Variants in NELL1 observed in about 807,000 individuals in gnomAD.
NELL1 encodes neural EGFL like 1.
A neutral mutation model predicts 107.4 loss-of-function variants in NELL1; 76 were observed. The observed-to-expected ratio is 0.71, with a 90% CI of 0.59 to 0.86. The LOEUF is 0.86. Ranked by LOEUF, NELL1 falls within the 40% of genes least tolerant of loss-of-function variation. The pLI is 0.00. For synonymous variants in NELL1, 353 were observed against 341.2 expected, an observed-to-expected ratio of 1.03 and a Z score of -0.38; for missense variants, 1,024 against 1,005.5, an observed-to-expected ratio of 1.02 and a Z score of -0.25.
At chr11:20,707,940 A>G (rs1855011428) in intron 2 of NELL1, among the ~76,000 whole-genome samples, 1 of 152,208 alleles carries the variant, frequency 6.6e-6, no homozygotes, top group African/African-American at 2.4e-5. Context: ...CCCTGCCCCC[A>G]GAGCTGGAGT....
At chr11:21,206,832 A>G (rs1317173745) in intron 13 of NELL1, among the ~76,000 whole-genome samples, 1 of 152,218 alleles carries the variant, frequency 6.6e-6, no homozygotes, top group Non-Finnish European at 1.5e-5. Flanking sequence ...AAAGAAAAAG[A>G]TTAACCCAGC....
At chr11:21,031,089 C>A (rs917157846) in intron 12 of NELL1, among the ~76,000 whole-genome samples, 1 of 152,050 alleles carries the variant, frequency 6.6e-6, no homozygotes, top group African/African-American at 2.4e-5. Context: ...ATATAATATT[C>A]TTTCTTAATA....
intron 14 of NELL1, among the ~76,000 whole-genome samples, chr11:21,315,235 G>A (rs1026700327): frequency 2.0e-5 from 3 of 152,170 alleles, no homozygotes; most frequent in African/African-American, 7.2e-5. Flanking sequence ...AGGTGGAAAA[G>A]TCAGAAATAG....
intron 16 of NELL1, among the ~76,000 whole-genome samples, chr11:21,557,287 G>A (rs1208177581): frequency 1.3e-5 from 2 of 152,008 alleles, no homozygotes; most frequent in Non-Finnish European, 2.9e-5. Flanking sequence ...AGAAGTGAAA[G>A]CAAATCCTGG....
chr11:21,534,197 T>C (rs937345791), intron 15 of NELL1, among the ~76,000 whole-genome samples, 177 bp from the exon 16 acceptor site: 1 of 152,224 alleles, frequency 6.6e-6, no homozygotes, highest in South Asian at 2.1e-4. Flanking sequence ...AGAATGAAGC[T>C]TTCAATTCAT....
chr11:20,773,737 AT>A (rs1856686651), intron 2 of NELL1: 2 of 152,140 alleles, frequency 1.3e-5, no homozygotes, highest in African/African-American at 4.8e-5. Flanking sequence ...ACCTTAAGTG[AT>A]CTGCCTGCCT....
chr11:20,786,631 T>G (rs1399249306), intron 3 of NELL1, among the ~76,000 whole-genome samples: 1 of 151,918 alleles, frequency 6.6e-6, no homozygotes, highest in Admixed American at 6.6e-5. Flanking sequence ...TCTTCTTGTG[T>G]CCTCAGAAGA....
chr11:21,139,527 T>G (rs994288809), intron 13 of NELL1, among the ~76,000 whole-genome samples: 1 of 152,316 alleles, frequency 6.6e-6, no homozygotes, highest in East Asian at 1.9e-4. Flanking sequence ...CATTACATAC[T>G]TTACTCATTT....
At chr11:20,684,941 C>G (rs547361392) in intron 2 of NELL1, among the ~76,000 whole-genome samples, 1 of 152,076 alleles carries the variant, frequency 6.6e-6, no homozygotes, top group South Asian at 2.1e-4. Flanking sequence ...GATACTGTTG[C>G]CTTTTGGGTG....
At chr11:21,519,499 T>C (rs183299560) in intron 15 of NELL1, among the ~76,000 whole-genome samples, 1,548 of 150,464 alleles carry the variant, frequency 0.01, 35 homozygotes, top group East Asian at 0.072. Context: ...GGCTAGGAGA[T>C]AGGCTTCCTT....
chr11:20,808,769 T>C (rs961242990), intron 3 of NELL1, among the ~76,000 whole-genome samples: 1 of 152,204 alleles, frequency 6.6e-6, no homozygotes, highest in East Asian at 1.9e-4. Flanking sequence ...ATTCTGCCCG[T>C]TGGCAGCGCT....
intron 15 of NELL1, among the ~76,000 whole-genome samples, chr11:21,522,461 A>G (rs1057021825): frequency 6.6e-6 from 1 of 152,228 alleles, no homozygotes; most frequent in African/African-American, 2.4e-5. Flanking sequence ...CAAGTCAGAC[A>G]TAGAAAGACA....
chr11:21,469,282 T>TTTTTG (rs879671632), intron 15 of NELL1, among the ~76,000 whole-genome samples: 16 of 152,072 alleles, frequency 1.1e-4, no homozygotes, highest in Middle Eastern at 3.4e-3. Context: ...TTGAGGGACT[T>TTTTTG]TTTTGTTTTG....
chr11:21,192,301 C>T (rs769084465), intron 13 of NELL1, among the ~76,000 whole-genome samples: 108 of 151,818 alleles, frequency 7.1e-4, no homozygotes, highest in Non-Finnish European at 1.0e-3. Flanking sequence ...ATATTTTAAA[C>T]GGTGTATTAA....
intron 9 of NELL1, among the ~76,000 whole-genome samples, chr11:20,936,671 G>T (rs990375826): frequency 6.6e-6 from 1 of 152,168 alleles, no homozygotes; most frequent in Non-Finnish European, 1.5e-5. Flanking sequence ...CTGATTGTAA[G>T]CTCCATGAGA....
intron 15 of NELL1, among the ~76,000 whole-genome samples, chr11:21,426,893 TG>T (rs1323787223): frequency 6.6e-6 from 1 of 152,016 alleles, no homozygotes; most frequent in Non-Finnish European, 1.5e-5. Flanking sequence ...AGCACTGGCA[TG>T]GGGTGAATAA....
intron 14 of NELL1, among the ~76,000 whole-genome samples, chr11:21,248,341 CAAAAA>C (rs373293988): frequency 7.9e-6 from 1 of 126,886 alleles, no homozygotes; most frequent in Non-Finnish European, 1.7e-5. Context: ...GAGAGCCTGT[CAAAAA>C]AAAAAAAGAA....
chr11:21,442,660 G>A (rs1194428394), intron 15 of NELL1, among the ~76,000 whole-genome samples: 2 of 152,070 alleles, frequency 1.3e-5, no homozygotes, highest in South Asian at 2.1e-4. Flanking sequence ...ACTTTGCTAG[G>A]TTCTGTAGAT....
rs140628419 is a variant in NELL1 at position 20,963,581 on chromosome 11, C to T, written c.1300+3021C>T. ...TAAATGAGATAAATGGTCATGCAGGCCATTTCCCCAGCTCTCTCCTAAGAA... is the reference window on the plus strand; with the variant it reads ...TAAATGAGATAAATGGTCATGCAGGTCATTTCCCCAGCTCTCTCCTAAGAA... On this transcript the variant is annotated intron_variant, in intron 12 of 19. Transcript: ENST00000357134. Among the ~76,000 whole-genome samples the T allele has an allele frequency of 9.9e-5, 15 of 152,204 alleles. No individual in the cohort carries two copies. In the East Asian group the frequency reaches 2.9e-3, roughly 29 times the overall value.
Sources: allele counts gnomAD v4.1 joint callset (sites outside exome capture counted in the v4.1 genomes callset), GRCh38; gene constraint gnomAD v4.1.1; transcripts MANE v1.5; gene names NCBI Gene and HGNC (gene_info 2026-07-23, HGNC 2026-07-21).